SEL1L3: variants seen among roughly 807,000 people sequenced by gnomAD.
SEL1L3 encodes protein sel-1 homolog 3.
SEL1L3 carries 76 observed loss-of-function variants against 142.8 expected under a neutral mutation model. That is an observed-to-expected ratio of 0.53 (90% CI 0.44 to 0.64). The LOEUF (loss-of-function observed/expected upper bound fraction) is 0.64, where lower values mean the gene tolerates loss of function less well. Ranked by LOEUF, SEL1L3 falls within the 30% of genes least tolerant of loss-of-function variation. The pLI, the probability that SEL1L3 is intolerant of heterozygous loss-of-function variation, is 0.00. For missense variants in SEL1L3, 1,262 were observed against 1,381.7 expected (o/e 0.91, Z 1.37); for synonymous variants, 504 against 519.6 (o/e 0.97, Z 0.41).
chr4:25,737,393 T>C, the SEL1L3 span, among the ~76,000 whole-genome samples: 4 of 152,328 alleles, frequency 2.6e-5, no homozygotes. Context: ...TTTTTCTTTG[T>C]TTCTAGGTGG....
At chr4:25,754,484 G>A (rs1717822715) in intron 23 of SEL1L3, among the ~76,000 whole-genome samples, 1 of 151,724 alleles carries the variant, frequency 6.6e-6, no homozygotes, top group African/African-American at 2.4e-5. Flanking sequence ...AAGTAGCTGG[G>A]ATTACAGGAG....
chr4:25,842,355 G>A (rs1267867907), intron 2 of SEL1L3, among the ~76,000 whole-genome samples: 1 of 151,992 alleles, frequency 6.6e-6, no homozygotes, highest in Non-Finnish European at 1.5e-5. Context: ...CATGGAAAGT[G>A]GCAGTGGGGG....
intron 17 of SEL1L3, among the ~76,000 whole-genome samples, chr4:25,773,884 A>G (rs997605130): frequency 1.3e-5 from 2 of 152,170 alleles, no homozygotes; most frequent in Non-Finnish European, 2.9e-5. Context: ...AATTCCACCC[A>G]TCCTTCAAGA....
chr4:25,736,382 C>A, the SEL1L3 span, among the ~76,000 whole-genome samples: 2 of 151,766 alleles, frequency 1.3e-5, no homozygotes. Flanking sequence ...CACCACCACG[C>A]CTAGCTAATT....
At chr4:25,824,763 A>C (rs1449452802) in intron 6 of SEL1L3, among the ~76,000 whole-genome samples, 1 of 152,248 alleles carries the variant, frequency 6.6e-6, no homozygotes, top group Non-Finnish European at 1.5e-5. Context: ...CATACCATTT[A>C]CTTACATATG....
chr4:25,808,529 C>T (rs1713757747), intron 9 of SEL1L3, among the ~76,000 whole-genome samples: 1 of 152,150 alleles, frequency 6.6e-6, no homozygotes, highest in South Asian at 2.1e-4. Context: ...ACCTCATTCC[C>T]TGTGACAGGA....
chr4:25,795,791 T>C (rs1712694153), intron 11 of SEL1L3, among the ~76,000 whole-genome samples: 1 of 152,174 alleles, frequency 6.6e-6, no homozygotes, highest in East Asian at 1.9e-4. Context: ...TGAGGCCTTC[T>C]GTGAAAGCAG....
At chr4:25,725,432 C>T in the SEL1L3 span, among the ~76,000 whole-genome samples, 1 of 151,796 alleles carries the variant, frequency 6.6e-6, no homozygotes, top group African/African-American at 2.4e-5. Context: ...TCTCCTGCCT[C>T]CGCCTCTTGA....
chr4:25,841,668 C>T (rs1716171387), intron 2 of SEL1L3, among the ~76,000 whole-genome samples: 1 of 152,168 alleles, frequency 6.6e-6, no homozygotes, highest in African/African-American at 2.4e-5. Flanking sequence ...AATTAAATAA[C>T]AGCGGGCCAG....
intron 6 of SEL1L3, among the ~76,000 whole-genome samples, chr4:25,823,954 A>C (rs1344106827): frequency 1.3e-5 from 2 of 152,170 alleles, no homozygotes; most frequent in Non-Finnish European, 2.9e-5. Context: ...AATGAAGCAA[A>C]GCACACAGCC....
At chr4:25,750,282 T>C (rs1717509611) in intron 23 of SEL1L3, among the ~76,000 whole-genome samples, 1 of 149,460 alleles carries the variant, frequency 6.7e-6, no homozygotes, top group East Asian at 1.9e-4. Flanking sequence ...CCAGCCACAA[T>C]GGCTGCTTTT....
chr4:25,738,976 C>T, the SEL1L3 span, among the ~76,000 whole-genome samples: 6 of 150,944 alleles, frequency 4.0e-5, no homozygotes, highest in Admixed American at 6.6e-5. Context: ...GAGGCCGAGG[C>T]GGGCAGATTA....
the SEL1L3 span, among the ~76,000 whole-genome samples, chr4:25,730,547 C>G: frequency 1.3e-5 from 2 of 152,112 alleles, no homozygotes; most frequent in Non-Finnish European, 2.9e-5. Flanking sequence ...AAGGGTAGAG[C>G]CTGCCAGCTG....
intron 15 of SEL1L3, among the ~76,000 whole-genome samples, chr4:25,780,825 TA>T (rs1313631205): frequency 1.1e-3 from 60 of 53,072 alleles, no homozygotes; most frequent in Non-Finnish European, 1.8e-3. Context: ...ATATATATTT[TA>T]TATATATATA....
chr4:25,852,050 C>A (rs895550264), intron 1 of SEL1L3, among the ~76,000 whole-genome samples: 6 of 152,188 alleles, frequency 3.9e-5, no homozygotes, highest in Admixed American at 3.3e-4. Flanking sequence ...TGCCACCCCC[C>A]CCAGGAGAGG....
At chr4:25,772,840 C>T (rs1317341631) in intron 17 of SEL1L3, among the ~76,000 whole-genome samples, 1 of 151,982 alleles carries the variant, frequency 6.6e-6, no homozygotes, top group Non-Finnish European at 1.5e-5. Context: ...CTCTGTTGCC[C>T]AGGCTGGAAT....
the SEL1L3 span, among the ~76,000 whole-genome samples, chr4:25,737,961 C>G: frequency 1.3e-5 from 2 of 152,090 alleles, no homozygotes; most frequent in African/African-American, 4.8e-5. Flanking sequence ...ACCATCTTGG[C>G]TGACTGTAGC....
intron 9 of SEL1L3, 92 bp from the exon 10 acceptor site, chr4:25,804,844 A>C: frequency 1.1e-6 from 1 of 923,360 alleles, no homozygotes; most frequent in East Asian, 2.5e-5. Context: ...AAATCACCTG[A>C]GTTATTGATA....
At chr4:25,837,203 C>G (rs1348749084) in intron 2 of SEL1L3, among the ~76,000 whole-genome samples, 1 of 150,862 alleles carries the variant, frequency 6.6e-6, no homozygotes, top group African/African-American at 2.4e-5. Flanking sequence ...AAAAATTCAC[C>G]AAGGAAGTTG....
Sources: gnomAD v4.1 joint callset for allele counts (sites outside exome capture counted in the v4.1 genomes callset) on GRCh38, gnomAD v4.1.1 for gene constraint, MANE v1.5 for transcripts, NCBI Gene and HGNC (gene_info 2026-07-23, HGNC 2026-07-21) for gene names.